The following MAPKAPK5 variants were observed in gnomAD, a reference collection of about 807,000 sequenced individuals.
The protein encoded by MAPKAPK5 is MAPK activated protein kinase 5.
Under a neutral mutation model 65.1 loss-of-function variants are expected in MAPKAPK5, and 30 were observed. That is an observed-to-expected ratio of 0.46 (90% CI 0.34 to 0.63). The LOEUF is 0.63. Ranked by LOEUF, MAPKAPK5 falls within the 20% of genes least tolerant of loss-of-function variation. MAPKAPK5 has a pLI of 0.01. For synonymous variants in MAPKAPK5, 179 were observed against 204.6 expected, an observed-to-expected ratio of 0.87 and a Z score of 1.07; for missense variants, 433 against 581.4, an observed-to-expected ratio of 0.74 and a Z score of 2.63.
intron 1 of MAPKAPK5, among the ~76,000 whole-genome samples, chr12:111,846,496 TTTTC>T (rs1229499479): frequency 1.0e-5 from 1 of 97,278 alleles, no homozygotes; most frequent in Non-Finnish European, 2.1e-5. Flanking sequence ...ATAAGTTTCT[TTTTC>T]TTTTTTTTTT....
chr12:111,888,920 A>G lies in MAPKAPK5; in HGVS notation c.1136A>G (p.His379Arg). The stretch of plus-strand genomic sequence containing the variant: ...AAGGACAGTGTCTATATCCACGACC[A>G]TGAGAATGGAGCCGAGGATTCCAAT... ...KPKDSVYIHD[H>R]ENGAEDSNVA... The change falls in exon 12 of 14, where the codon CAT becomes CGT. Residue 379 changes from histidine to arginine, a missense_variant. Around this residue, in one of 3 missense-constraint regions of MAPKAPK5, gnomAD observed 169 missense variants for 215.6 expected, o/e 0.78. Transcript: ENST00000550735. 6.2e-7 allele frequency: 1 copy of G among 1,613,636 alleles called. No individual in the cohort carries two copies. Among genetic ancestry groups the G allele is most frequent in the Admixed American group, 1.7e-5 (1 of 59,974 alleles).
intron 8 of MAPKAPK5, among the ~76,000 whole-genome samples, chr12:111,880,839 T>G (rs1283023763): frequency 6.6e-6 from 1 of 152,196 alleles, no homozygotes; most frequent in Non-Finnish European, 1.5e-5. Flanking sequence ...AGTCAGGTTA[T>G]TTTTTTGACT....
chr12:111,845,379 C>A (rs1001014235), intron 1 of MAPKAPK5, among the ~76,000 whole-genome samples: 1 of 152,108 alleles, frequency 6.6e-6, no homozygotes, highest in African/African-American at 2.4e-5. Context: ...TGGTCTCGAA[C>A]TCCTGACCTC....
chr12:111,845,939 C>G (rs1293318271), intron 1 of MAPKAPK5, among the ~76,000 whole-genome samples: 1 of 152,046 alleles, frequency 6.6e-6, no homozygotes, highest in African/African-American at 2.4e-5. Context: ...ATAATAATAC[C>G]TAACAGCAAG....
At chr12:111,857,910 T>G (rs959068429) in intron 1 of MAPKAPK5, among the ~76,000 whole-genome samples, 3 of 151,956 alleles carry the variant, frequency 2.0e-5, no homozygotes, top group Non-Finnish European at 4.4e-5. Context: ...TGTTTGTGTG[T>G]GTGTGTGAGA....
Position 111,842,559 on chromosome 12 carries a change from C to A in MAPKAPK5, c.-175C>A, listed in dbSNP as rs961481064. 12 of 381,094 alleles carry A rather than the reference C, an allele frequency of 3.1e-5. No individual in the cohort carries two copies. The highest frequency in any genetic ancestry group is 2.3e-4 in the African/African-American group (11 of 47,350). 23.6% of individuals were successfully genotyped at this position (381,094 alleles called of 1,614,324 possible). On this transcript the variant is annotated 5_prime_UTR_variant, in exon 1 of 14. Transcript: ENST00000550735. ...CTGCTGCCGCCAGCCTAGAGCCGCC[C>A]GCCGAAGCAGAGCCGGCGCCGGGGT... is the stretch of plus-strand genomic sequence containing the variant.
intron 1 of MAPKAPK5, among the ~76,000 whole-genome samples, chr12:111,856,428 C>T (rs1291378198): frequency 2.3e-5 from 3 of 131,364 alleles, no homozygotes; most frequent in Non-Finnish European, 4.7e-5. Flanking sequence ...TTTTTTGAGA[C>T]GGAGTCTCAC....
intron 6 of MAPKAPK5, 58 bp downstream of exon 6, chr12:111,870,418 G>C: frequency 7.1e-7 from 1 of 1,410,286 alleles, no homozygotes; most frequent in Non-Finnish European, 1.0e-6. Context: ...GTTCAGGAGT[G>C]GGTGTGTTTG....
chr12:111,844,022 C>G (rs182262969), intron 1 of MAPKAPK5, among the ~76,000 whole-genome samples: 14 of 152,140 alleles, frequency 9.2e-5, no homozygotes, highest in Non-Finnish European at 1.5e-5. Flanking sequence ...CGGGGTTTCA[C>G]CGTAATAGCC....
At chr12:111,865,122 T>A in intron 1 of MAPKAPK5, 128 bp from the exon 2 acceptor site, 1 of 618,874 alleles carries the variant, frequency 1.6e-6, no homozygotes, top group Non-Finnish European at 2.9e-6. Context: ...GAACACAAAG[T>A]TCTGCTTATC....
rs1370402049 is a variant in MAPKAPK5, at chr12:111,870,375, T to C, written c.483+15T>C. 1.3e-6 allele frequency: 2 copies of C among 1,596,728 alleles called. No individual in the cohort carries two copies. The highest frequency in any genetic ancestry group is 4.5e-5 in the East Asian group (2 of 44,540). On this transcript the variant is annotated intron_variant, in intron 6 of 13. Coordinates refer to ENST00000550735, the MANE Select transcript of MAPKAPK5 (RefSeq NM_003668.4). ...ATAACTCTTTGGTGAGAAGACTGTT[T>C]TTCTGCATTTTAGTGCTGCAACTCT...
chr12:111,869,262 A>G (rs2069704933), intron 5 of MAPKAPK5, among the ~76,000 whole-genome samples: 3 of 152,248 alleles, frequency 2.0e-5, no homozygotes, highest in South Asian at 4.1e-4. Context: ...AATTGTACAT[A>G]AGATGCTTCC....
At chr12:111,886,158 A>C in intron 10 of MAPKAPK5, 122 bp downstream of exon 10, 1 of 1,380,026 alleles carries the variant, frequency 7.2e-7, no homozygotes, top group Non-Finnish European at 9.9e-7. Flanking sequence ...CCAGAGAAAC[A>C]TCTCTGGTTT....
At chr12:111,844,891 G>A (rs1593111244) in intron 1 of MAPKAPK5, among the ~76,000 whole-genome samples, 1 of 152,284 alleles carries the variant, frequency 6.6e-6, no homozygotes, top group East Asian at 1.9e-4. Context: ...GAAGAGCAAG[G>A]TGGCTGGAAT....
In MAPKAPK5 at chr12:111,895,565, C is replaced by T. The variant is rs891744231; in HGVS notation, c.*2504C>T. 1 of 122,938 alleles carries T rather than the reference C, an allele frequency of 8.1e-6. No homozygotes were observed. Among genetic ancestry groups the T allele is most frequent in the Non-Finnish European group, 1.6e-5 (1 of 61,086 alleles). The allele number at this position is 122,938 out of a possible 1,614,324, so 7.6% of individuals were successfully genotyped here. ...GCTGCCACCAAGACAGAGTCTCGCT[C>T]TGTCCCCCAGGCTGGAGTGCAGTGG... On this transcript the variant is annotated 3_prime_UTR_variant, in exon 14 of 14. Coordinates refer to ENST00000550735, the MANE Select transcript of MAPKAPK5 (RefSeq NM_003668.4).
At chr12:111,876,317 A>G (rs2069968252) in intron 7 of MAPKAPK5, among the ~76,000 whole-genome samples, 1 of 151,816 alleles carries the variant, frequency 6.6e-6, no homozygotes. Flanking sequence ...AAGGAGGGTG[A>G]GGATCAAAAA....
chr12:111,846,095 C>T (rs747590911), intron 1 of MAPKAPK5, among the ~76,000 whole-genome samples: 3 of 152,106 alleles, frequency 2.0e-5, no homozygotes, highest in South Asian at 2.1e-4. Flanking sequence ...GGTGAATCTA[C>T]GCTAATTTGG....
chr12:111,856,402 TTTC>T (rs1056578497), intron 1 of MAPKAPK5, among the ~76,000 whole-genome samples: 11 of 143,706 alleles, frequency 7.7e-5, no homozygotes, highest in African/African-American at 1.9e-4. Flanking sequence ...CTTCTTTTTT[TTTC>T]TTTCTTTTTT....
chr12:111,886,376 CAA>C (rs781651619), intron 10 of MAPKAPK5, among the ~76,000 whole-genome samples: 6 of 152,108 alleles, frequency 3.9e-5, no homozygotes, highest in Non-Finnish European at 5.9e-5. Flanking sequence ...AAACATGAAA[CAA>C]AGAGGGAACA....
Sources: gnomAD v4.1 joint callset for allele counts (sites outside exome capture counted in the v4.1 genomes callset) on GRCh38, gnomAD v4.1.1 for gene constraint, gnomAD v4.1.1 regional missense constraint, MANE v1.5 for transcripts, NCBI Gene and HGNC (gene_info 2026-07-23, HGNC 2026-07-21) for gene names.